Variants in CTNND2 observed in about 807,000 individuals in gnomAD.
CTNND2 encodes catenin delta 2.
CTNND2 carries 22 observed loss-of-function variants against 144.4 expected under a neutral mutation model. That is an observed-to-expected ratio of 0.15 (90% confidence interval 0.11 to 0.22). CTNND2 has a LOEUF of 0.22. CTNND2 is among the 10% of genes least tolerant of loss of function. The pLI is 1.00. For synonymous variants in CTNND2, 751 were observed against 695.6 expected (o/e 1.08, Z -1.25); for missense variants, 1,353 against 1,618.8 (o/e 0.84, Z 2.82).
intron 3 of CTNND2, among the ~76,000 whole-genome samples, chr5:11,541,125 C>A (rs1404494737): frequency 6.6e-6 from 1 of 152,132 alleles, no homozygotes; most frequent in African/African-American, 2.4e-5. Context: ...CCAGGCACTG[C>A]CCCTGGTTGC....
intron 16 of CTNND2, among the ~76,000 whole-genome samples, chr5:11,075,432 C>T (rs200756645): frequency 6.6e-6 from 1 of 152,218 alleles, no homozygotes; most frequent in East Asian, 1.9e-4. Context: ...GTGAAGCAGC[C>T]ATCCAAATGG....
chr5:11,886,004 C>A (rs1476836684), intron 1 of CTNND2, among the ~76,000 whole-genome samples: 1 of 151,798 alleles, frequency 6.6e-6, no homozygotes, highest in African/African-American at 2.4e-5. Context: ...ACACAACATA[C>A]CAAAACCTAT....
At chr5:11,619,234 C>A (rs979874307) in intron 2 of CTNND2, among the ~76,000 whole-genome samples, 5 of 152,034 alleles carry the variant, frequency 3.3e-5, no homozygotes, top group African/African-American at 9.7e-5. Context: ...ATGATGAAAA[C>A]CCATCTCTAC....
chr5:11,811,461 T>C (rs898834934), intron 1 of CTNND2, among the ~76,000 whole-genome samples: 1 of 152,174 alleles, frequency 6.6e-6, no homozygotes, highest in Non-Finnish European at 1.5e-5. Flanking sequence ...ATAAGGTGTA[T>C]GAACATAAAT....
intron 3 of CTNND2, among the ~76,000 whole-genome samples, chr5:11,479,192 C>T (rs568566950): frequency 5.3e-5 from 8 of 152,250 alleles, no homozygotes; most frequent in Middle Eastern, 3.4e-3. Flanking sequence ...TTTTTCCCCT[C>T]TTCGTGTCCA....
At chr5:11,276,876 C>A (rs1746591036) in intron 9 of CTNND2, among the ~76,000 whole-genome samples, 1 of 152,102 alleles carries the variant, frequency 6.6e-6, no homozygotes, top group Non-Finnish European at 1.5e-5. Flanking sequence ...AAGCCAGGGG[C>A]CACTGGAAAC....
intron 1 of CTNND2, among the ~76,000 whole-genome samples, chr5:11,822,636 T>C (rs34039063): frequency 0.078 from 11,936 of 152,098 alleles, 634 homozygotes; most frequent in Non-Finnish European, 0.12. Flanking sequence ...TTGATAGTAG[T>C]CCCTCTCTAG....
intron 9 of CTNND2, among the ~76,000 whole-genome samples, chr5:11,324,353 C>T (rs1268475512): frequency 6.6e-6 from 1 of 152,208 alleles, no homozygotes; most frequent in Non-Finnish European, 1.5e-5. Flanking sequence ...GTACACAGAA[C>T]ATTTTCTAAG....
intron 3 of CTNND2, among the ~76,000 whole-genome samples, chr5:11,495,705 C>T (rs1347203230): frequency 6.6e-6 from 1 of 152,182 alleles, no homozygotes; most frequent in Non-Finnish European, 1.5e-5. Flanking sequence ...CTTCTGCATT[C>T]CCACCACTCC....
At chr5:11,361,269 C>A (rs529866046) in intron 8 of CTNND2, among the ~76,000 whole-genome samples, 1 of 152,304 alleles carries the variant, frequency 6.6e-6, no homozygotes, top group East Asian at 1.9e-4. Flanking sequence ...GATCTACCCA[C>A]CTCGGCCTCC....
intron 3 of CTNND2, among the ~76,000 whole-genome samples, chr5:11,441,800 T>C (rs1764289682): frequency 6.6e-6 from 1 of 152,126 alleles, no homozygotes; most frequent in South Asian, 2.1e-4. Flanking sequence ...TCCATCATAC[T>C]GTCTTCTCCT....
At chr5:11,685,927 T>A (rs910475966) in intron 2 of CTNND2, among the ~76,000 whole-genome samples, 2 of 152,198 alleles carry the variant, frequency 1.3e-5, no homozygotes, top group African/African-American at 4.8e-5. Flanking sequence ...AAGGAAGGCC[T>A]GGCACAGTGG....
At chr5:11,720,851 G>A (rs1268761961) in intron 2 of CTNND2, among the ~76,000 whole-genome samples, 1 of 152,168 alleles carries the variant, frequency 6.6e-6, no homozygotes, top group Non-Finnish European at 1.5e-5. Context: ...AACATCAAGT[G>A]TTGGCAAGGA....
chr5:11,483,887 G>A (rs868221854), intron 3 of CTNND2, among the ~76,000 whole-genome samples: 5 of 152,332 alleles, frequency 3.3e-5, no homozygotes, highest in Middle Eastern at 6.8e-3. Context: ...TCCTTTTACT[G>A]CCAGGCAGTC....
Position 11,591,606 on chromosome 5 carries a change from T to A in CTNND2, c.175-26550A>T, listed in dbSNP as rs183642673. Among the ~76,000 whole-genome samples, 173 of 152,196 alleles carry A rather than the reference T, an allele frequency of 1.1e-3. 1 individual carries two copies. The highest frequency in any genetic ancestry group is 2.7e-3 in the Admixed American group (42 of 15,286). ...TCATTGTTACTCCTTTCATGCCTCC[T>A]GTGTCCTATGATTTCTTCTTTGATT... On this transcript the variant is annotated intron_variant, in intron 2 of 21. Coordinates refer to ENST00000304623, the MANE Select transcript of CTNND2 (RefSeq NM_001332.4).
chr5:11,174,691 G>A (rs1489913248), intron 11 of CTNND2, among the ~76,000 whole-genome samples: 1 of 152,198 alleles, frequency 6.6e-6, no homozygotes, highest in Non-Finnish European at 1.5e-5. Context: ...CGTATTCAGT[G>A]ATTATACGCA....
chr5:11,782,123 C>T (rs561271682), intron 1 of CTNND2, among the ~76,000 whole-genome samples: 4 of 152,312 alleles, frequency 2.6e-5, no homozygotes, highest in Non-Finnish European at 1.5e-5. Context: ...CTCTTGCCTG[C>T]CACCATTTAA....
At chr5:11,632,148 G>A (rs1256611810) in intron 2 of CTNND2, among the ~76,000 whole-genome samples, 1 of 152,176 alleles carries the variant, frequency 6.6e-6, no homozygotes, top group Non-Finnish European at 1.5e-5. Flanking sequence ...TTTCCAGAAG[G>A]ACTCTAAGAA....
At chr5:11,695,875 T>C (rs1197288671) in intron 2 of CTNND2, among the ~76,000 whole-genome samples, 1 of 152,252 alleles carries the variant, frequency 6.6e-6, no homozygotes, top group Non-Finnish European at 1.5e-5. Flanking sequence ...TCTTACACTG[T>C]TTTTAATCAC....
Sources: gnomAD v4.1 joint callset for allele counts (sites outside exome capture counted in the v4.1 genomes callset) on GRCh38, gnomAD v4.1.1 for gene constraint, MANE v1.5 for transcripts, NCBI Gene and HGNC (gene_info 2026-07-23, HGNC 2026-07-21) for gene names.